The following AFAP1L2 variants were observed in gnomAD, a reference collection of about 807,000 sequenced individuals.
AFAP1L2 encodes actin filament associated protein 1 like 2.
In AFAP1L2, 46 loss-of-function variants were observed where a neutral mutation model predicts 99.3. The observed-to-expected ratio is 0.46, with a 90% CI of 0.37 to 0.59. The LOEUF is 0.59. AFAP1L2 is among the 20% of genes least tolerant of loss of function. The pLI is 0.00. For missense variants in AFAP1L2, 959 were observed against 1,034.9 expected, an observed-to-expected ratio of 0.93 and a Z score of 1.01; for synonymous variants, 397 against 419.1, an observed-to-expected ratio of 0.95 and a Z score of 0.64.
At chr10:114,374,673 GA>G (rs571296319) in intron 1 of AFAP1L2, among the ~76,000 whole-genome samples, 1,655 of 148,578 alleles carry the variant, frequency 0.011, 11 homozygotes, top group African/African-American at 0.021. Flanking sequence ...TCTAGAAGAA[GA>G]AAAAAAAAAT....
At chr10:114,396,507 T>C (rs1270302547) in intron 1 of AFAP1L2, among the ~76,000 whole-genome samples, 1 of 152,222 alleles carries the variant, frequency 6.6e-6, no homozygotes, top group African/African-American at 2.4e-5. Flanking sequence ...CAAATGCGAC[T>C]GGGTGTGTTA....
chr10:114,357,904 T>TAC (rs2051634912), intron 1 of AFAP1L2, among the ~76,000 whole-genome samples: 1 of 152,232 alleles, frequency 6.6e-6, no homozygotes, highest in Non-Finnish European at 1.5e-5. Flanking sequence ...CTTTTGACAA[T>TAC]ACACACTTTC....
At chr10:114,304,595 A>C in intron 11 of AFAP1L2, 124 bp downstream of exon 11, 1 of 1,013,030 alleles carries the variant, frequency 9.9e-7, no homozygotes, top group Non-Finnish European at 1.4e-6. Flanking sequence ...AGGCAAACGA[A>C]GTAAAAATAA....
At chr10:114,300,386 T>C in intron 14 of AFAP1L2, 24 bp from the exon 15 acceptor site, 1 of 1,613,950 alleles carries the variant, frequency 6.2e-7, no homozygotes, top group Non-Finnish European at 8.5e-7. Context: ...CAGACCTGAC[T>C]CAGCTGGCTG....
intron 16 of AFAP1L2, among the ~76,000 whole-genome samples, 195 bp from the exon 17 acceptor site, chr10:114,297,608 T>C (rs1387996314): frequency 3.3e-5 from 5 of 152,176 alleles, no homozygotes; most frequent in Non-Finnish European, 4.4e-5. Flanking sequence ...CTGCAAAGGC[T>C]GGGAGGCTCT....
At chr10:114,309,649 G>A (rs2042922062) in intron 8 of AFAP1L2, among the ~76,000 whole-genome samples, 2 of 152,308 alleles carry the variant, frequency 1.3e-5, no homozygotes, top group South Asian at 4.1e-4. Flanking sequence ...TGCAAATGAG[G>A]ACTACAGCCC....
At chr10:114,364,579 G>A (rs143696713) in intron 1 of AFAP1L2, among the ~76,000 whole-genome samples, 86 of 152,224 alleles carry the variant, frequency 5.6e-4, no homozygotes, top group African/African-American at 1.9e-3. Flanking sequence ...CACCAGTCAC[G>A]GGATAAGTGC....
At chr10:114,320,735 C>A (rs548734188) in intron 5 of AFAP1L2, among the ~76,000 whole-genome samples, 1 of 152,184 alleles carries the variant, frequency 6.6e-6, no homozygotes, top group East Asian at 1.9e-4. Flanking sequence ...TTGTTTGTGT[C>A]GAGATGGAGT....
At chr10:114,301,533 G>A (rs2041192432) in intron 12 of AFAP1L2, 68 bp from the exon 13 acceptor site, 15 of 1,203,076 alleles carry the variant, frequency 1.2e-5, no homozygotes, top group Non-Finnish European at 1.9e-5. Context: ...CAGACTCCAA[G>A]GATTCCCAGT....
chr10:114,366,814 C>T (rs1254342242), intron 1 of AFAP1L2, among the ~76,000 whole-genome samples: 1 of 152,016 alleles, frequency 6.6e-6, no homozygotes, highest in Admixed American at 6.6e-5. Context: ...AAAAATACAA[C>T]AAAATTAGTC....
At chr10:114,304,273 T>G (rs763768840) in intron 11 of AFAP1L2, among the ~76,000 whole-genome samples, 1 of 152,190 alleles carries the variant, frequency 6.6e-6, no homozygotes, top group Non-Finnish European at 1.5e-5. Context: ...CTTATTTTTG[T>G]AAACGTAACA....
In AFAP1L2 at chr10:114,300,365, T is replaced by C. The variant is rs187639495; in HGVS notation, c.1789-3A>G. On this transcript the variant is annotated splice_region_variant and splice_polypyrimidine_tract_variant and intron_variant, in intron 14 of 18. Transcript: ENST00000304129. ...TCTGGCTCCAAACTCTCCAGCTGCT[T>C]TGGGGGAAAGCAGACCTGACTCAGC... 1.2e-6 allele frequency: 2 copies of C among 1,614,022 alleles called. No individual in the cohort carries two copies. The highest frequency in any genetic ancestry group is 8.5e-7 in the Non-Finnish European group (1 of 1,179,970).
the AFAP1L2 span, chr10:114,286,069 G>GCGT: frequency 6.2e-7 from 1 of 1,614,200 alleles, no homozygotes; most frequent in Non-Finnish European, 8.5e-7. Flanking sequence ...TGCTGAGCGA[G>GCGT]GACTCTCGGG....
intron 4 of AFAP1L2, among the ~76,000 whole-genome samples, chr10:114,328,949 C>A (rs2046839648): frequency 6.6e-6 from 1 of 152,218 alleles, no homozygotes; most frequent in African/African-American, 2.4e-5. Context: ...AGGGGACTCG[C>A]AGTCCACACC....
chr10:114,350,436 G>A (rs2050290226), intron 1 of AFAP1L2, among the ~76,000 whole-genome samples: 1 of 152,186 alleles, frequency 6.6e-6, no homozygotes, highest in Non-Finnish European at 1.5e-5. Context: ...CCCCCTCTGT[G>A]CCTAGATAGT....
chr10:114,286,347 G>T, the AFAP1L2 span: 5 of 1,613,470 alleles, frequency 3.1e-6, no homozygotes, highest in Admixed American at 3.3e-5. Flanking sequence ...CGTCACGCAA[G>T]GGCGCGAGAG....
chr10:114,301,744 A>G (rs2041237263), intron 12 of AFAP1L2: 3 of 467,106 alleles, frequency 6.4e-6, no homozygotes, highest in East Asian at 3.6e-5. Context: ...CTTCTCCCCC[A>G]TTCCTCCCTT....
intron 1 of AFAP1L2, among the ~76,000 whole-genome samples, chr10:114,395,032 T>C (rs916131182): frequency 5.9e-5 from 9 of 152,112 alleles, no homozygotes; most frequent in Non-Finnish European, 1.3e-4. Context: ...CTCTAAAACA[T>C]GCCAAAGACA....
At chr10:114,282,685 G>A in the AFAP1L2 span, 3 of 873,432 alleles carry the variant, frequency 3.4e-6, no homozygotes, top group Admixed American at 3.8e-5. Context: ...TGGCTCCAGG[G>A]CAGAGGGATG....
Sources: allele counts gnomAD v4.1 joint callset (sites outside exome capture counted in the v4.1 genomes callset), GRCh38; gene constraint gnomAD v4.1.1; transcripts MANE v1.5; gene names NCBI Gene and HGNC (gene_info 2026-07-23, HGNC 2026-07-21).